The following YLPM1 variants were observed in gnomAD, a reference collection of about 807,000 sequenced individuals.
YLPM1 encodes the protein YLP motif containing 1.
A neutral mutation model predicts 230.0 loss-of-function variants in YLPM1; 99 were observed. The observed-to-expected ratio is 0.43, with a 90% CI of 0.37 to 0.51. The LOEUF (loss-of-function observed/expected upper bound fraction) is 0.51, where lower values mean the gene tolerates loss of function less well. Ranked by LOEUF, YLPM1 falls within the 20% of genes least tolerant of loss-of-function variation. YLPM1 has a pLI of 0.00. For synonymous variants in YLPM1, 984 were observed against 942.5 expected (o/e 1.04, Z -0.81); for missense variants, 2,592 against 2,707.7 (o/e 0.96, Z 0.95).
At chr14:74,782,413 T>C in intron 4 of YLPM1, 88 bp downstream of exon 4, 1 of 1,404,564 alleles carries the variant, frequency 7.1e-7, no homozygotes, top group East Asian at 2.4e-5. Flanking sequence ...AAAAGCTTCA[T>C]TTATACAATG....
intron 13 of YLPM1, 88 bp downstream of exon 13, chr14:74,816,778 G>T (rs2091481549): frequency 6.8e-7 from 1 of 1,481,130 alleles, no homozygotes; most frequent in Non-Finnish European, 9.0e-7. Context: ...TTTTTTGAGG[G>T]CAGGGACCTC....
rs764395735 is a variant in YLPM1 at position 74,798,462 on chromosome 14, A to C, written c.3165A>C (p.Glu1055Asp). ...GAGGCCCAGGATTGGTCAAGCAAGAAGACTTTCGGGATAAGATGATGGGTA... is the reference window on the plus strand; with the variant it reads ...GAGGCCCAGGATTGGTCAAGCAAGACGACTTTCGGGATAAGATGATGGGTA... ...ISRGPGLVKQEDFRDKMMGRR... is the reference protein window; with the variant it reads ...ISRGPGLVKQDDFRDKMMGRR... Residue 1055 changes from glutamate (E) to aspartate (D), a missense_variant, in exon 5 of 21, where the codon GAA (glutamate) becomes GAC (aspartate). By Grantham distance (45) the Glu-to-Asp change is conservative. Coordinates refer to ENST00000325680, the MANE Select transcript of YLPM1 (RefSeq NM_019589.3). 1 of 1,613,834 alleles carries C rather than the reference A, an allele frequency of 6.2e-7. No homozygotes were observed. Among genetic ancestry groups the C allele is most frequent in the African/African-American group, 1.3e-5 (1 of 74,922 alleles).
intron 19 of YLPM1, among the ~76,000 whole-genome samples, chr14:74,831,480 C>G (rs182104974): frequency 5.7e-4 from 87 of 152,278 alleles, no homozygotes; most frequent in African/African-American, 1.9e-3. Flanking sequence ...GTTCTGGTAA[C>G]AATTAGTAAT....
chr14:74,797,851 C>T lies in YLPM1; in HGVS notation c.2554C>T (p.Pro852Ser), dbSNP rs990536915. 8 of 1,613,806 alleles carry T rather than the reference C, an allele frequency of 5.0e-6. No homozygotes were observed. The African/African-American group carries it at 1.1e-4, about 22-fold the overall frequency. ...PAFGQQHQQQ[P>S]KSQAEPLSGN... ...TTTTGGACAGCAGCATCAGCAGCAACCTAAGTCACAAGCAGAACCTCTTTC... is the reference window on the plus strand; with the variant it reads ...TTTTGGACAGCAGCATCAGCAGCAATCTAAGTCACAAGCAGAACCTCTTTC... The change falls in exon 5 of 21, where the codon CCT becomes TCT. Residue 852 changes from proline (P) to serine (S), a missense_variant. Pro to Ser is a moderately conservative substitution (Grantham distance 74). This residue lies in a region of YLPM1 where 1,862 missense variants were observed against 1,819.8 expected (regional missense o/e 1.02). Transcript: ENST00000325680.
intron 12 of YLPM1, 138 bp from the exon 13 acceptor site, chr14:74,816,433 C>A: frequency 1.6e-6 from 2 of 1,279,432 alleles, no homozygotes; most frequent in Non-Finnish European, 2.1e-6. Context: ...TTTATCTACT[C>A]AGAGAAACAT....
chr14:74,797,951 C>G lies in YLPM1; in HGVS notation c.2654C>G (p.Ser885Cys). 6.2e-7 allele frequency: 1 copy of G among 1,613,916 alleles called. No individual in the cohort carries two copies. The highest frequency in any genetic ancestry group is 8.5e-7 in the Non-Finnish European group (1 of 1,179,888). ...KNFKMQSAAFSIAADVKDVKA... is the reference protein window; with the variant it reads ...KNFKMQSAAFCIAADVKDVKA... ...TTTAAAATGCAATCAGCTGCATTTT[C>G]CATTGCTGCAGATGTAAAGGATGTC... is the stretch of plus-strand genomic sequence containing the variant. Residue 885 changes from serine to cysteine, a missense_variant, in exon 5 of 21, where the codon TCC (serine) becomes TGC (cysteine). Around this residue, in one of 4 missense-constraint regions of YLPM1, gnomAD observed 1,862 missense variants for 1,819.8 expected, o/e 1.02. Transcript: ENST00000325680.
intron 2 of YLPM1, among the ~76,000 whole-genome samples, chr14:74,778,945 ATTC>A (rs2091067998): frequency 6.6e-6 from 1 of 152,006 alleles, no homozygotes; most frequent in South Asian, 2.1e-4. Flanking sequence ...GGTTCAGGCA[ATTC>A]TTCTGCCTCA....
chr14:74,776,899 A>G (rs1183914037), intron 1 of YLPM1, among the ~76,000 whole-genome samples: 1 of 152,004 alleles, frequency 6.6e-6, no homozygotes, highest in Non-Finnish European at 1.5e-5. Flanking sequence ...CTCTACAAAA[A>G]ATACAAAAAT....
chr14:74,772,359 AT>A (rs750529331), intron 1 of YLPM1, among the ~76,000 whole-genome samples: 2,176 of 138,858 alleles, frequency 0.016, 33 homozygotes, highest in African/African-American at 0.047. Flanking sequence ...TATATTCTTA[AT>A]TTTTTTTTTT....
chr14:74,772,336 T>C (rs1301517395), intron 1 of YLPM1, among the ~76,000 whole-genome samples: 1 of 151,642 alleles, frequency 6.6e-6, no homozygotes, highest in Non-Finnish European at 1.5e-5. Flanking sequence ...ACAGTATTTG[T>C]GACAAATAGT....
At chr14:74,826,717 A>G (rs1016395519) in intron 18 of YLPM1, among the ~76,000 whole-genome samples, 3 of 152,216 alleles carry the variant, frequency 2.0e-5, no homozygotes, top group Admixed American at 6.5e-5. Flanking sequence ...TACCTCTGGC[A>G]TGGAGTTGTT....
chr14:74,816,545 A>G (rs776421970), intron 12 of YLPM1, 26 bp from the exon 13 acceptor site: 31 of 1,587,096 alleles, frequency 2.0e-5, no homozygotes, highest in Middle Eastern at 1.7e-4. Context: ...AATTCGTTTT[A>G]ACCTTCTTGA....
chr14:74,768,742 A>G (rs970704954), intron 1 of YLPM1, among the ~76,000 whole-genome samples: 3 of 152,202 alleles, frequency 2.0e-5, no homozygotes, highest in African/African-American at 4.8e-5. Context: ...CAAGATAGAC[A>G]TGGGACCTGC....
intron 5 of YLPM1, among the ~76,000 whole-genome samples, chr14:74,801,581 A>G (rs1043338115): frequency 4.6e-5 from 7 of 152,228 alleles, no homozygotes; most frequent in Admixed American, 1.3e-4. Context: ...CTCACCATCT[A>G]CAGCAGGGGC....
intron 1 of YLPM1, among the ~76,000 whole-genome samples, chr14:74,777,910 G>T (rs1456810315): frequency 6.6e-6 from 1 of 152,078 alleles, no homozygotes; most frequent in Non-Finnish European, 1.5e-5. Context: ...GGGAGGTTGA[G>T]GCTTCAGTGA....
chr14:74,824,614 A>G (rs1487750821), intron 18 of YLPM1, among the ~76,000 whole-genome samples: 1 of 152,098 alleles, frequency 6.6e-6, no homozygotes, highest in Admixed American at 6.6e-5. Flanking sequence ...GTTGGTGCTG[A>G]TGAGATTTCT....
At chr14:74,820,687 A>C (rs1055859054) in intron 16 of YLPM1, among the ~76,000 whole-genome samples, 4 of 152,156 alleles carry the variant, frequency 2.6e-5, no homozygotes, top group African/African-American at 9.7e-5. Flanking sequence ...CCCACTTTTC[A>C]CTATACTTTT....
intron 11 of YLPM1, among the ~76,000 whole-genome samples, chr14:74,814,546 T>C (rs1431011317): frequency 2.0e-5 from 3 of 152,252 alleles, no homozygotes; most frequent in East Asian, 1.9e-4. Flanking sequence ...TCTGTTGATA[T>C]GATGTGTTAC....
intron 17 of YLPM1, among the ~76,000 whole-genome samples, chr14:74,823,735 G>T (rs1335623193): frequency 6.6e-6 from 1 of 152,078 alleles, no homozygotes; most frequent in Non-Finnish European, 1.5e-5. Context: ...TCCTAATCGG[G>T]TAATTGGGTT....
Sources: allele counts gnomAD v4.1 joint callset (sites outside exome capture counted in the v4.1 genomes callset), GRCh38; gene constraint gnomAD v4.1.1; regional missense constraint gnomAD v4.1.1; transcripts MANE v1.5; gene names NCBI Gene and HGNC (gene_info 2026-07-23, HGNC 2026-07-21).